The following SFMBT2 variants were observed in gnomAD, a reference collection of about 807,000 sequenced individuals.
SFMBT2 encodes the protein scm-like with four MBT domains protein 2.
SFMBT2 carries 38 observed loss-of-function variants against 110.1 expected under a neutral mutation model. The observed-to-expected ratio is 0.35, with a 90% CI of 0.27 to 0.45. The LOEUF (loss-of-function observed/expected upper bound fraction) is 0.45, where lower values mean the gene tolerates loss of function less well. Ranked by LOEUF, SFMBT2 falls within the 20% of genes least tolerant of loss-of-function variation. The pLI is 1.00. For synonymous variants in SFMBT2, 425 were observed against 425.4 expected, an observed-to-expected ratio of 1.00 and a Z score of 0.01; for missense variants, 1,011 against 1,094.9, an observed-to-expected ratio of 0.92 and a Z score of 1.08.
chr10:7,375,834 AAAG>A (rs1238065749), intron 2 of SFMBT2, among the ~76,000 whole-genome samples: 26 of 151,742 alleles, frequency 1.7e-4, no homozygotes, highest in African/African-American at 6.0e-4. Context: ...ACAGCTATTC[AAAG>A]GAGGGTTAAG....
intron 15 of SFMBT2, among the ~76,000 whole-genome samples, chr10:7,196,749 G>A (rs2131593248): frequency 6.6e-6 from 1 of 152,306 alleles, no homozygotes; most frequent in South Asian, 2.1e-4. Context: ...TATCCATTTG[G>A]TATCCTCTTT....
chr10:7,274,069 C>T (rs1588407683), intron 7 of SFMBT2, among the ~76,000 whole-genome samples: 1 of 152,174 alleles, frequency 6.6e-6, no homozygotes, highest in African/African-American at 2.4e-5. Flanking sequence ...GAAAATGTGG[C>T]ACATATACAC....
At chr10:7,341,828 C>A (rs1035952133) in intron 4 of SFMBT2, among the ~76,000 whole-genome samples, 1 of 152,118 alleles carries the variant, frequency 6.6e-6, no homozygotes, top group South Asian at 2.1e-4. Flanking sequence ...AGTCGGGTAA[C>A]GAGCATATGA....
intron 9 of SFMBT2, chr10:7,228,275 A>C: frequency 2.6e-6 from 1 of 389,106 alleles, no homozygotes; most frequent in Non-Finnish European, 3.5e-6. Flanking sequence ...CTGTGCAGAG[A>C]TAGACAATGA....
chr10:7,217,642 T>TA (rs1365997968), intron 11 of SFMBT2, among the ~76,000 whole-genome samples: 1 of 152,054 alleles, frequency 6.6e-6, no homozygotes, highest in Non-Finnish European at 1.5e-5. Context: ...ATTTGTCCCA[T>TA]AAAAAAAGGA....
chr10:7,262,181 C>T (rs1841226619), intron 7 of SFMBT2, among the ~76,000 whole-genome samples: 1 of 150,978 alleles, frequency 6.6e-6, no homozygotes, highest in African/African-American at 2.4e-5. Flanking sequence ...ATGAAAGGCA[C>T]TACGGGGCTT....
At chr10:7,219,112 T>C (rs940809140) in intron 11 of SFMBT2, among the ~76,000 whole-genome samples, 1 of 152,242 alleles carries the variant, frequency 6.6e-6, no homozygotes. Flanking sequence ...TAGTGTTAGA[T>C]AGCAAGTTAA....
chr10:7,220,641 G>A (rs1358938925), intron 10 of SFMBT2, 104 bp from the exon 11 acceptor site: 6 of 1,153,944 alleles, frequency 5.2e-6, no homozygotes, highest in East Asian at 2.4e-5. Flanking sequence ...ATCTTACATC[G>A]ACAAGACAGG....
At chr10:7,166,134 A>G (rs1588755918) in intron 20 of SFMBT2, among the ~76,000 whole-genome samples, 1 of 152,250 alleles carries the variant, frequency 6.6e-6, no homozygotes, top group Admixed American at 6.5e-5. Context: ...CTTAACCATT[A>G]TGTTCAATGA....
chr10:7,264,937 GA>G (rs35999336), intron 7 of SFMBT2, among the ~76,000 whole-genome samples: 14,715 of 95,202 alleles, frequency 0.15, 1,416 homozygotes, highest in African/African-American at 0.32. Flanking sequence ...TAAAAAAGAG[GA>G]AAAAAAAAAA....
Position 7,205,903 on chromosome 10 carries a change from G to T in SFMBT2, c.1356C>A (p.Val452=). Residue 452 remains valine, a synonymous_variant, in exon 12 of 21, where the codon GTC becomes GTA. Transcript: ENST00000397167. ...TGTCCATGGATTCCACATCAACAAT[G>T]ACCTCTGGAACAGGAGTCTGCAGCC... The part of the protein sequence containing the change: ...LEGLQTPVPE[V]IVDVESMDIF... The T allele has an allele frequency of 6.2e-7, 1 of 1,613,964 alleles. No homozygotes were observed. Among genetic ancestry groups the T allele is most frequent in the Non-Finnish European group, 8.5e-7 (1 of 1,179,940 alleles).
At chr10:7,350,630 C>A (rs1193733785) in intron 4 of SFMBT2, among the ~76,000 whole-genome samples, 1 of 152,172 alleles carries the variant, frequency 6.6e-6, no homozygotes, top group African/African-American at 2.4e-5. Context: ...TTACGGCATT[C>A]CCACTTTTAA....
chr10:7,397,378 T>G (rs1845955317), intron 1 of SFMBT2, among the ~76,000 whole-genome samples: 1 of 151,772 alleles, frequency 6.6e-6, no homozygotes, highest in Non-Finnish European at 1.5e-5. Context: ...TTTTTTTGTT[T>G]TTTTTTTTAA....
Position 7,214,835 on chromosome 10 carries a change from C to T in SFMBT2, c.1330+5576G>A, listed in dbSNP as rs1839479996. ...AAAAACACTAACTGCAGATTCCATG[C>T]CTGTTTTAATTTATAACAGGGCTCC... On this transcript the variant is annotated intron_variant, in intron 11 of 20. Coordinates refer to ENST00000397167, the MANE Select transcript of SFMBT2 (RefSeq NM_001387889.1). 3 of 863,666 alleles carry T rather than the reference C, an allele frequency of 3.5e-6. No individual in the cohort carries two copies. In the South Asian group the frequency reaches 1.6e-4, roughly 46 times the overall value. The allele number at this position is 863,666 out of a possible 1,614,324, so 53.5% of individuals were successfully genotyped here. A position where few individuals can be genotyped will look rare whatever the true frequency, so the allele number is the denominator to read the frequency against.
rs1837619612 is a variant in SFMBT2, at chr10:7,163,844, G to A, written c.2611C>T (p.Leu871=). The change falls in exon 21 of 21, where the codon CTG becomes TTG. Residue 871 remains leucine (L), a synonymous_variant. Transcript: ENST00000397167. This position sits in a 1 kb window ranked among gnomAD's most constrained non-coding sequence, Gnocchi z 4.8. The stretch of plus-strand genomic sequence containing the variant: ...TGGCATAACTTGATGGCAGGCCCCA[G>A]CTTCAGCTCCATGCACTCCTGCACC... ...PTVQECMELK[L]GPAIKLCHQI... is the part of the protein sequence containing the mutation. 1 of 1,614,216 alleles carries A rather than the reference G, an allele frequency of 6.2e-7. No individual in the cohort carries two copies. The highest frequency in any genetic ancestry group is 8.5e-7 in the Non-Finnish European group (1 of 1,180,042).
intron 1 of SFMBT2, among the ~76,000 whole-genome samples, chr10:7,409,962 C>T (rs2132141095): frequency 6.6e-6 from 1 of 151,930 alleles, no homozygotes; most frequent in South Asian, 2.1e-4. Flanking sequence ...TCCCTCCAGC[C>T]CCTTCCCACC....
In SFMBT2 at chr10:7,346,032, A is replaced by C. The variant is rs147144171; in HGVS notation, c.436+21617T>G. 3.1e-3 allele frequency among the ~76,000 whole-genome samples: 466 copies of C among 152,060 alleles called. 1 individual carries two copies. The highest frequency in any genetic ancestry group is 0.011 in the African/African-American group (441 of 41,474). On this transcript the variant is annotated intron_variant, in intron 4 of 20. Coordinates refer to ENST00000397167, the MANE Select transcript of SFMBT2 (RefSeq NM_001387889.1). Reference sequence around the variant, plus strand: ...TAGGACAAAAATAAAAGCACTGAACACCTTAACTCTGTCGCCCTCACCCCC... The same window carrying C: ...TAGGACAAAAATAAAAGCACTGAACCCCTTAACTCTGTCGCCCTCACCCCC...
At chr10:7,206,982 T>G in intron 11 of SFMBT2, 5 of 959,886 alleles carry the variant, frequency 5.2e-6, no homozygotes, top group Non-Finnish European at 5.0e-6. Context: ...TCCCAGCACT[T>G]TGGGAGGCCA....
At chr10:7,373,979 C>T (rs1171869732) in intron 2 of SFMBT2, among the ~76,000 whole-genome samples, 3 of 151,976 alleles carry the variant, frequency 2.0e-5, no homozygotes, top group East Asian at 1.9e-4. Flanking sequence ...ACATGCAAAT[C>T]GAGGCTGGGC....
Sources: gnomAD v4.1 joint callset for allele counts (sites outside exome capture counted in the v4.1 genomes callset) on GRCh38, gnomAD v4.1.1 for gene constraint, Gnocchi (gnomAD v3.1) non-coding constraint, MANE v1.5 for transcripts, NCBI Gene and HGNC (gene_info 2026-07-23, HGNC 2026-07-21) for gene names.